ABCA4: variants seen among roughly 807,000 people sequenced by gnomAD.
ABCA4 encodes the protein retinal-specific phospholipid-transporting ATPase ABCA4.
Under a neutral mutation model 263.7 loss-of-function variants are expected in ABCA4, and 196 were observed. The ratio of observed to expected loss-of-function variants is 0.74; its 90% CI spans 0.66 to 0.84. The LOEUF is 0.84. ABCA4 is among the 40% of genes least tolerant of loss of function. The probability of loss-of-function intolerance (pLI) is 0.00; values close to 1 mark genes in which losing one functional copy is unlikely to be tolerated. For missense variants in ABCA4, 2,792 were observed against 2,855.1 expected (o/e 0.98, Z 0.50); for synonymous variants, 1,133 against 1,094.2 (o/e 1.04, Z -0.70).
Position 94,015,827 on chromosome 1 carries a change from C to G in ABCA4, c.5224G>C (p.Val1742Leu). 1 of 1,613,916 alleles carries G rather than the reference C, an allele frequency of 6.2e-7. No individual in the cohort carries two copies. The highest frequency in any genetic ancestry group is 8.5e-7 in the Non-Finnish European group (1 of 1,179,922). ...TGAAACCCGATGAAGATGCCCACCACCAGCCCAGCACTCACGGAATAATTC... is the reference window on the plus strand; with the variant it reads ...TGAAACCCGATGAAGATGCCCACCAGCAGCCCAGCACTCACGGAATAATTC... ...IMNYSVSAGLVVGIFIGFQKK... is the reference protein window; with the variant it reads ...IMNYSVSAGLLVGIFIGFQKK... Residue 1742 changes from valine (V) to leucine (L), a missense_variant, in exon 37 of 50, where the codon GTG becomes CTG. Val to Leu is a conservative substitution (Grantham distance 32, BLOSUM62 1). Transcript: ENST00000370225.
chr1:94,041,464 G>C, intron 22 of ABCA4, 62 bp from the exon 23 acceptor site: 1 of 1,576,078 alleles, frequency 6.3e-7, no homozygotes, highest in Non-Finnish European at 8.7e-7. Flanking sequence ...GTTGGTAAAG[G>C]GTGTACAGCA....
At chr1:94,042,729 C>T (rs752583829) in intron 22 of ABCA4, 32 bp downstream of exon 22, 5 of 1,614,012 alleles carry the variant, frequency 3.1e-6, no homozygotes, top group East Asian at 2.2e-5. Context: ...GCAGTGAGAG[C>T]CCAGCCCAGG....
rs781473216 is a variant in ABCA4, at chr1:94,121,053, A to G, written c.-8T>C. On this transcript the variant is annotated 5_prime_UTR_variant, in exon 1 of 50. Coordinates refer to ENST00000370225, the MANE Select transcript of ABCA4 (RefSeq NM_000350.3). ...CTGTCTCACGAAGCCCATGCTAATG[A>G]CCACACGAAGACCAGATTGGTCAGA... 1 of 1,614,144 alleles carries G rather than the reference A, an allele frequency of 6.2e-7. No individual in the cohort carries two copies. Among genetic ancestry groups the G allele is most frequent in the Non-Finnish European group, 8.5e-7 (1 of 1,180,016 alleles).
At chr1:93,994,259 C>A in intron 49 of ABCA4, among the ~76,000 whole-genome samples, 1 of 152,194 alleles carries the variant, frequency 6.6e-6, no homozygotes, top group Non-Finnish European at 1.5e-5. Context: ...AACACCTTGA[C>A]CCTCACTGGT....
intron 7 of ABCA4, among the ~76,000 whole-genome samples, chr1:94,081,322 G>A (rs1661696320): frequency 6.6e-6 from 1 of 152,130 alleles, no homozygotes; most frequent in African/African-American, 2.4e-5. Flanking sequence ...AATTCGTTGG[G>A]AATGTGTCCT....
At position 94,048,848 on chromosome 1, in the gene ABCA4, A is replaced by G; in HGVS notation, c.2743+20T>C. On this transcript the variant is annotated intron_variant, in intron 18 of 49. Transcript: ENST00000370225. ...AGCCTTTTCCTCGCCTCTGCTGTGT[A>G]TTCTTTATCGGGGTTTTACCGTGTA... 2 of 1,612,354 alleles carry G rather than the reference A, an allele frequency of 1.2e-6. No individual in the cohort carries two copies. The highest frequency in any genetic ancestry group is 1.7e-6 in the Non-Finnish European group (2 of 1,178,514).
rs756322965 is a variant in ABCA4 at position 94,062,529 on chromosome 1, C to A, written c.1937+48G>T. 3.7e-6 allele frequency: 6 copies of A among 1,605,956 alleles called. No homozygotes were observed. In the South Asian group the frequency reaches 6.6e-5, roughly 18 times the overall value. The stretch of plus-strand genomic sequence containing the variant: ...CCCAGCCCACCCCAGCCCACTCCAG[C>A]ACCCCCATTAGCGTGTCATGGAGGA... On this transcript the variant is annotated intron_variant, in intron 13 of 49. Coordinates refer to ENST00000370225, the MANE Select transcript of ABCA4 (RefSeq NM_000350.3).
chr1:94,027,333 T>C (rs937950732), intron 30 of ABCA4, among the ~76,000 whole-genome samples: 6 of 152,184 alleles, frequency 3.9e-5, no homozygotes, highest in African/African-American at 1.4e-4. Flanking sequence ...TGAAACACCA[T>C]GTAGGTAGGC....
At chr1:94,111,925 G>A (rs1405992323) in intron 2 of ABCA4, among the ~76,000 whole-genome samples, 2 of 152,232 alleles carry the variant, frequency 1.3e-5, no homozygotes, top group Admixed American at 6.5e-5. Context: ...GCTGCTGCTT[G>A]AGCAGACGCT....
In ABCA4 at chr1:94,047,177, T is replaced by C. The variant is rs1166950940; in HGVS notation, c.2744-84A>G. On this transcript the variant is annotated intron_variant, in intron 18 of 49. Coordinates refer to ENST00000370225, the MANE Select transcript of ABCA4 (RefSeq NM_000350.3). ...GCTCTGTCTCCAGGCCCTTGTATTC[T>C]GCCTATAACGTCACCTGCCCCTGTG... 4 of 1,493,698 alleles carry C rather than the reference T, an allele frequency of 2.7e-6. No individual in the cohort carries two copies. The African/African-American group carries it at 5.5e-5, about 21-fold the overall frequency. The allele number at this position is 1,493,698 out of a possible 1,614,324, so 92.5% of individuals were successfully genotyped here.
chr1:94,087,968 G>T (rs1343344859), intron 6 of ABCA4, among the ~76,000 whole-genome samples: 2 of 152,144 alleles, frequency 1.3e-5, no homozygotes, highest in Non-Finnish European at 2.9e-5. Context: ...AGGAGAGAAA[G>T]AATCTACCTC....
Position 93,997,992 on chromosome 1 carries a change from C to G in ABCA4, c.6598G>C (p.Glu2200Gln), listed in dbSNP as rs760573590. 1 of 1,614,154 alleles carries G rather than the reference C, an allele frequency of 6.2e-7. No individual in the cohort carries two copies. The highest frequency in any genetic ancestry group is 8.5e-7 in the Non-Finnish European group (1 of 1,180,040). Reference protein sequence around the residue: ...QGNFPGSVQRERHYNMLQFQV... With the variant: ...QGNFPGSVQRQRHYNMLQFQV... Reference sequence around the variant, plus strand: ...AACTGGAGCATGTTGTAGTGCCTCTCCCTCTGCACACTGCCTGGGAAGTTC... The same window carrying G: ...AACTGGAGCATGTTGTAGTGCCTCTGCCTCTGCACACTGCCTGGGAAGTTC... Residue 2200 changes from glutamate to glutamine, a missense_variant, in exon 48 of 50, where the codon GAG (glutamate) becomes CAG (glutamine). Physicochemically the swap from Glu to Gln is conservative, Grantham distance 29. Coordinates refer to ENST00000370225, the MANE Select transcript of ABCA4 (RefSeq NM_000350.3).
At chr1:94,025,592 G>A (rs928259484) in intron 30 of ABCA4, 3 of 174,088 alleles carry the variant, frequency 1.7e-5, no homozygotes, top group African/African-American at 4.8e-5. Context: ...GTCTCTCGGC[G>A]AGCACCTCTC....
Position 94,014,639 on chromosome 1 carries a change from G to A in ABCA4, c.5364C>T (p.Pro1788=). 1 of 1,614,212 alleles carries A rather than the reference G, an allele frequency of 6.2e-7. No homozygotes were observed. The highest frequency in any genetic ancestry group is 8.5e-7 in the Non-Finnish European group (1 of 1,180,018). Residue 1788 remains proline, a synonymous_variant, in exon 38 of 50, where the codon CCC becomes CCT. Transcript: ENST00000370225. ...AAGATAAAGCCACATAGGCTGTGCT[G>A]GGGACATCAAACAGGAAGGATGCTG... ...MYPASFLFDV[P]STAYVALSCA...
intron 11 of ABCA4, among the ~76,000 whole-genome samples, chr1:94,068,932 T>C (rs1487618151): frequency 6.6e-6 from 1 of 152,160 alleles, no homozygotes; most frequent in Non-Finnish European, 1.5e-5. Context: ...CCAATGACAA[T>C]AAAGCAAGGA....
At chr1:94,105,997 CA>C (rs1388225858) in intron 4 of ABCA4, among the ~76,000 whole-genome samples, 7 of 152,194 alleles carry the variant, frequency 4.6e-5, no homozygotes, top group African/African-American at 1.4e-4. Flanking sequence ...TGAATCTCAA[CA>C]GACTGAAACA....
chr1:94,104,987 A>C (rs1471142603), intron 4 of ABCA4, among the ~76,000 whole-genome samples: 1 of 151,938 alleles, frequency 6.6e-6, no homozygotes, highest in East Asian at 1.9e-4. Flanking sequence ...ATGCACACAC[A>C]CATGCACACA....
chr1:94,079,482 G>T (rs2101104707), intron 8 of ABCA4, 21 bp from the exon 9 acceptor site: 1 of 1,614,172 alleles, frequency 6.2e-7, no homozygotes, highest in Non-Finnish European at 8.5e-7. Flanking sequence ...ACAAGGGACA[G>T]ATTTTACAGA....
In ABCA4 at chr1:94,056,695, G is replaced by A. The variant is rs1660985994; in HGVS notation, c.2288C>T (p.Ala763Val). The A allele has an allele frequency of 6.2e-7, 1 of 1,614,162 alleles. No individual in the cohort carries two copies. Among genetic ancestry groups the A allele is most frequent in the African/African-American group, 1.3e-5 (1 of 75,068 alleles). The change falls in exon 15 of 50, where the codon GCC (alanine) becomes GTC (valine). Residue 763 changes from alanine to valine, a missense_variant. Physicochemically the swap from Ala to Val is moderately conservative, Grantham distance 64. Transcript: ENST00000370225. Reference sequence around the variant, plus strand: ...GGTGAAATAGATGACACCACTACAGGCTGCTGCCAGACTGGCCTTGGAGAA... The same window carrying A: ...GGTGAAATAGATGACACCACTACAGACTGCTGCCAGACTGGCCTTGGAGAA... ...TFFSKASLAA[A>V]CSGVIYFTLY... is the part of the protein sequence containing the mutation.
Sources: gnomAD v4.1 joint callset for allele counts (sites outside exome capture counted in the v4.1 genomes callset) on GRCh38, gnomAD v4.1.1 for gene constraint, MANE v1.5 for transcripts, NCBI Gene and HGNC (gene_info 2026-07-23, HGNC 2026-07-21) for gene names.